The following SEMA3E variants were observed in gnomAD, a reference collection of about 807,000 sequenced individuals.
SEMA3E encodes semaphorin 3E.
In SEMA3E, 49 loss-of-function variants were observed where a neutral mutation model predicts 93.6. The ratio of observed to expected loss-of-function variants is 0.52; its 90% CI spans 0.42 to 0.66. The LOEUF is 0.66. Ranked by LOEUF, SEMA3E falls within the 30% of genes least tolerant of loss-of-function variation. SEMA3E has a pLI of 0.00. For missense variants in SEMA3E, 906 were observed against 964.8 expected (o/e 0.94, Z 0.81); for synonymous variants, 363 against 330.7 (o/e 1.10, Z -1.06).
At chr7:83,508,286 G>A (rs1195478614) in intron 1 of SEMA3E, among the ~76,000 whole-genome samples, 1 of 149,242 alleles carries the variant, frequency 6.7e-6, no homozygotes, top group Non-Finnish European at 1.5e-5. Flanking sequence ...TTTGAAGATG[G>A]AGTTTTGCTT....
chr7:83,611,905 A>G (rs1351107445), intron 1 of SEMA3E, among the ~76,000 whole-genome samples: 1 of 152,024 alleles, frequency 6.6e-6, no homozygotes, highest in Non-Finnish European at 1.5e-5. Context: ...CTTATGTCTT[A>G]CCTTTAGCAT....
intron 1 of SEMA3E, chr7:83,641,441 C>A (rs1275123724): frequency 2.1e-6 from 2 of 957,256 alleles, no homozygotes; most frequent in Non-Finnish European, 2.5e-6. Context: ...TAACTTTAGG[C>A]AGTGTGGTCT....
At chr7:83,609,894 T>C (rs1286009700) in intron 1 of SEMA3E, among the ~76,000 whole-genome samples, 6 of 151,994 alleles carry the variant, frequency 3.9e-5, no homozygotes, top group Admixed American at 3.3e-4. Flanking sequence ...TAAAATTAAA[T>C]ATTGTATATT....
intron 1 of SEMA3E, among the ~76,000 whole-genome samples, chr7:83,589,091 C>T (rs769531611): frequency 2.0e-5 from 3 of 152,250 alleles, no homozygotes; most frequent in East Asian, 1.9e-4. Flanking sequence ...CATCAAGCGC[C>T]GCCTCAGCTC....
At chr7:83,604,447 A>C (rs1793062081) in intron 1 of SEMA3E, among the ~76,000 whole-genome samples, 2 of 150,248 alleles carry the variant, frequency 1.3e-5, no homozygotes, top group Admixed American at 1.3e-4. Context: ...ATGTATATAT[A>C]TCTTGAAATT....
chr7:83,568,226 ATAAG>A (rs1378635300), intron 1 of SEMA3E, among the ~76,000 whole-genome samples: 1 of 152,164 alleles, frequency 6.6e-6, no homozygotes, highest in African/African-American at 2.4e-5. Flanking sequence ...GTAAGACTGA[ATAAG>A]TAATAAAACA....
intron 16 of SEMA3E, chr7:83,372,321 G>T: frequency 2.5e-6 from 1 of 397,680 alleles, no homozygotes; most frequent in Non-Finnish European, 4.4e-6. Context: ...CATCCTTATT[G>T]AATATGATCT....
intron 1 of SEMA3E, among the ~76,000 whole-genome samples, chr7:83,610,888 C>T (rs969308928): frequency 6.6e-6 from 1 of 151,996 alleles, no homozygotes; most frequent in East Asian, 1.9e-4. Flanking sequence ...TTTCAATCAA[C>T]CCCTCTGTGG....
In SEMA3E at chr7:83,363,489, C is replaced by A. The variant is rs77467452; in HGVS notation, c.*4097G>T. On this transcript the variant is annotated 3_prime_UTR_variant, in exon 17 of 17. Coordinates refer to ENST00000643230, the MANE Select transcript of SEMA3E (RefSeq NM_012431.3). ...AGGATACCATACAGAGAAGAACACT[C>A]CCATATAGTGCTCTAGCTTATAAGT... 1 of 152,158 alleles carries A rather than the reference C, an allele frequency of 6.6e-6. No individual in the cohort carries two copies. The highest frequency in any genetic ancestry group is 1.9e-4 in the East Asian group (1 of 5,162). The allele number at this position is 152,158 out of a possible 1,614,324, so 9.4% of individuals were successfully genotyped here. A position where few individuals can be genotyped will look rare whatever the true frequency, so the allele number is the denominator to read the frequency against.
At chr7:83,573,826 T>C (rs1792341469) in intron 1 of SEMA3E, among the ~76,000 whole-genome samples, 1 of 151,938 alleles carries the variant, frequency 6.6e-6, no homozygotes, top group Non-Finnish European at 1.5e-5. Context: ...TTCTTGGATA[T>C]TCATTTTTAT....
At chr7:83,545,089 C>A (rs939887520) in intron 1 of SEMA3E, among the ~76,000 whole-genome samples, 1 of 151,942 alleles carries the variant, frequency 6.6e-6, no homozygotes, top group Non-Finnish European at 1.5e-5. Context: ...GATGGCCTTG[C>A]TAAATCAGAA....
intron 1 of SEMA3E, among the ~76,000 whole-genome samples, chr7:83,587,157 T>G (rs1298435465): frequency 6.6e-6 from 1 of 152,148 alleles, no homozygotes; most frequent in Non-Finnish European, 1.5e-5. Flanking sequence ...TACAAATATA[T>G]AATAAATCAT....
chr7:83,593,055 C>A (rs1202797305), intron 1 of SEMA3E, among the ~76,000 whole-genome samples: 2 of 152,044 alleles, frequency 1.3e-5, no homozygotes. Flanking sequence ...TGGGCTTAAG[C>A]AATCCTCTCA....
intron 1 of SEMA3E, among the ~76,000 whole-genome samples, chr7:83,567,225 G>A (rs553358488): frequency 6.6e-5 from 10 of 152,214 alleles, no homozygotes; most frequent in South Asian, 2.1e-4. Context: ...AATCCTAAAC[G>A]TATATGTGCC....
At chr7:83,574,426 A>G (rs1792356927) in intron 1 of SEMA3E, among the ~76,000 whole-genome samples, 1 of 150,764 alleles carries the variant, frequency 6.6e-6, no homozygotes, top group Admixed American at 6.6e-5. Context: ...GAGGCCATAC[A>G]CTGAGAAAAA....
intron 1 of SEMA3E, among the ~76,000 whole-genome samples, chr7:83,491,777 C>T (rs1291575164): frequency 2.6e-5 from 4 of 151,856 alleles, no homozygotes; most frequent in Non-Finnish European, 4.4e-5. Context: ...CCTAATATTC[C>T]TTCTTTTCCC....
chr7:83,631,211 G>GTT (rs1446747837), intron 1 of SEMA3E, among the ~76,000 whole-genome samples: 1 of 151,954 alleles, frequency 6.6e-6, no homozygotes, highest in Non-Finnish European at 1.5e-5. Flanking sequence ...TTAAAAAATG[G>GTT]TTATGTTTAG....
chr7:83,404,119 A>G (rs1788281873), intron 9 of SEMA3E, among the ~76,000 whole-genome samples: 1 of 152,016 alleles, frequency 6.6e-6, no homozygotes, highest in Non-Finnish European at 1.5e-5. Flanking sequence ...TATTCACAGC[A>G]TAAGGGAGGA....
chr7:83,487,726 ATATG>A (rs1369850649), intron 2 of SEMA3E, among the ~76,000 whole-genome samples: 1 of 139,096 alleles, frequency 7.2e-6, no homozygotes, highest in African/African-American at 2.6e-5. Context: ...TATTTTATAT[ATATG>A]GAGAGAGAGG....
Sources: gnomAD v4.1 joint callset for allele counts (sites outside exome capture counted in the v4.1 genomes callset) on GRCh38, gnomAD v4.1.1 for gene constraint, MANE v1.5 for transcripts, NCBI Gene and HGNC (gene_info 2026-07-23, HGNC 2026-07-21) for gene names.